SRL: variants seen among roughly 807,000 people sequenced by gnomAD.
SRL encodes the protein sarcalumenin.
SRL carries 23 observed loss-of-function variants against 39.5 expected under a neutral mutation model. That is an observed-to-expected ratio of 0.58 (90% CI 0.42 to 0.82). The LOEUF (loss-of-function observed/expected upper bound fraction) is 0.82. Ranked by LOEUF, SRL falls within the 40% of genes least tolerant of loss-of-function variation. The pLI is 0.00. For missense variants in SRL, 592 were observed against 607.8 expected, an observed-to-expected ratio of 0.97 and a Z score of 0.27; for synonymous variants, 272 against 237.4, an observed-to-expected ratio of 1.15 and a Z score of -1.34.
chr16:4,230,661 T>C (rs918474061), intron 1 of SRL, among the ~76,000 whole-genome samples: 23 of 152,052 alleles, frequency 1.5e-4, no homozygotes, highest in African/African-American at 5.5e-4. Context: ...GTGCTGGGAT[T>C]ACAGGTGTGA....
At chr16:4,199,368 T>TA (rs1200734477) in intron 3 of SRL, among the ~76,000 whole-genome samples, 1 of 95,856 alleles carries the variant, frequency 1.0e-5, no homozygotes, top group Non-Finnish European at 1.8e-5. Context: ...CCCCATCTTT[T>TA]TTTTTTTTTT....
intron 1 of SRL, among the ~76,000 whole-genome samples, chr16:4,237,098 T>C (rs1161038297): frequency 1.3e-5 from 2 of 152,082 alleles, no homozygotes; most frequent in Admixed American, 1.3e-4. Flanking sequence ...CCCGCCATCA[T>C]GCCCAGTTCA....
At chr16:4,223,195 G>C (rs1414786964) in intron 1 of SRL, among the ~76,000 whole-genome samples, 2 of 140,898 alleles carry the variant, frequency 1.4e-5, no homozygotes, top group African/African-American at 5.4e-5. Flanking sequence ...TCATGCCACT[G>C]CACTCCAGCC....
chr16:4,214,795 T>C (rs1316233454), intron 1 of SRL, among the ~76,000 whole-genome samples: 2 of 150,878 alleles, frequency 1.3e-5, no homozygotes, highest in African/African-American at 4.9e-5. Flanking sequence ...TTAGACGAAG[T>C]CTCATTCTGT....
Position 4,191,762 on chromosome 16 carries a change from G to T in SRL, c.*391C>A, listed in dbSNP as rs529590376. 5.6e-6 allele frequency: 1 copy of T among 177,982 alleles called. No homozygotes were observed. Among genetic ancestry groups the T allele is most frequent in the African/African-American group, 2.4e-5 (1 of 42,198 alleles). 11.0% of individuals were successfully genotyped at this position (177,982 alleles called of 1,614,324 possible). A position where few individuals can be genotyped will look rare whatever the true frequency, so the allele number is the denominator to read the frequency against. On this transcript the variant is annotated 3_prime_UTR_variant, in exon 6 of 6. Coordinates refer to ENST00000399609, the MANE Select transcript of SRL (RefSeq NM_001098814.2). ...CCAAAATGGACCTGACAATCTCTACGACTCAGGCCTTCGCTGTTTTCCCAG... is the reference window on the plus strand; with the variant it reads ...CCAAAATGGACCTGACAATCTCTACTACTCAGGCCTTCGCTGTTTTCCCAG...
intron 2 of SRL, 51 bp from the exon 3 acceptor site, chr16:4,203,312 C>T (rs1300992120): frequency 6.6e-7 from 1 of 1,520,888 alleles, no homozygotes; most frequent in Non-Finnish European, 9.1e-7. Context: ...GCGATCCAGG[C>T]AGCTCCTCCA....
In SRL at chr16:4,199,396, G is replaced by A. The variant is rs1198179894; in HGVS notation, c.260-1481C>T. On this transcript the variant is annotated intron_variant, in intron 3 of 5. Coordinates refer to ENST00000399609, the MANE Select transcript of SRL (RefSeq NM_001098814.2). ...TTTTTTTTTTTTTTTTTTTGAGACA[G>A]TGTCTCACTCTGTCGCCCAAACCAC... Among the ~76,000 whole-genome samples, 6 of 112,136 alleles carry A rather than the reference G, an allele frequency of 5.4e-5. 1 individual carries two copies. The highest frequency in any genetic ancestry group is 2.2e-4 in the African/African-American group (6 of 27,726). 73.6% of individuals were successfully genotyped at this position (112,136 alleles called of 152,430 possible).
intron 1 of SRL, among the ~76,000 whole-genome samples, chr16:4,218,219 G>A (rs1256459786): frequency 1.3e-5 from 2 of 152,244 alleles, no homozygotes; most frequent in Admixed American, 6.5e-5. Context: ...ACTGAAGTGA[G>A]GTGACCCCGC....
intron 1 of SRL, among the ~76,000 whole-genome samples, chr16:4,211,662 CCG>C (rs1567181580): frequency 6.2e-5 from 9 of 144,712 alleles, no homozygotes; most frequent in African/African-American, 2.3e-4. Flanking sequence ...ATGGTGATGA[CCG>C]TGCCGATGAT....
At chr16:4,240,777 G>GGGTGGCAGC in intron 1 of SRL, among the ~76,000 whole-genome samples, 1 of 152,276 alleles carries the variant, frequency 6.6e-6, no homozygotes, top group East Asian at 1.9e-4. Flanking sequence ...CGAAGGGAGA[G>GGGTGGCAGC]GGTGGCAGCG....
chr16:4,225,232 G>A (rs1478353053), intron 1 of SRL, among the ~76,000 whole-genome samples: 1 of 152,090 alleles, frequency 6.6e-6, no homozygotes, highest in Non-Finnish European at 1.5e-5. Flanking sequence ...TGAATTGTAT[G>A]CTTTAAATGA....
At chr16:4,230,317 G>A (rs575219339) in intron 1 of SRL, among the ~76,000 whole-genome samples, 18 of 152,082 alleles carry the variant, frequency 1.2e-4, no homozygotes, top group Admixed American at 2.0e-4. Flanking sequence ...CCATCCCCTA[G>A]GAGAAAGCCC....
chr16:4,191,945 A>T lies in SRL; in HGVS notation c.*208T>A. 1 of 518,572 alleles carries T rather than the reference A, an allele frequency of 1.9e-6. No individual in the cohort carries two copies. Among genetic ancestry groups the T allele is most frequent in the Non-Finnish European group, 3.3e-6 (1 of 302,836 alleles). 32.1% of individuals were successfully genotyped at this position (518,572 alleles called of 1,614,324 possible). A position where few individuals can be genotyped will look rare whatever the true frequency, so the allele number is the denominator to read the frequency against. On this transcript the variant is annotated 3_prime_UTR_variant, in exon 6 of 6. Coordinates refer to ENST00000399609, the MANE Select transcript of SRL (RefSeq NM_001098814.2). The stretch of plus-strand genomic sequence containing the variant: ...CTCAATCAGGCCTCCTCATTGAAGC[A>T]ACAAGACAAGCACACAGGAATTCAC...
Position 4,190,348 on chromosome 16 carries a change from G to C in SRL, c.*1805C>G. 1 of 398,876 alleles carries C rather than the reference G, an allele frequency of 2.5e-6. No homozygotes were observed. Among genetic ancestry groups the C allele is most frequent in the African/African-American group, 2.1e-5 (1 of 48,750 alleles). 24.7% of individuals were successfully genotyped at this position (398,876 alleles called of 1,614,324 possible). On this transcript the variant is annotated 3_prime_UTR_variant, in exon 6 of 6. Transcript: ENST00000399609. ...GGGTCCAGGATGACTTCCTGGTGCT[G>C]AGCTGGTGCATCCTGACTCCTGCCT...
At chr16:4,198,120 C>G (rs1215439540) in intron 3 of SRL, among the ~76,000 whole-genome samples, 3 of 152,222 alleles carry the variant, frequency 2.0e-5, no homozygotes, top group African/African-American at 7.2e-5. Context: ...ACTTTTGGGC[C>G]TTGCCCAGAT....
At chr16:4,210,554 G>A (rs12709115) in intron 1 of SRL, among the ~76,000 whole-genome samples, 5,987 of 137,758 alleles carry the variant, frequency 0.043, 173 homozygotes, top group South Asian at 0.073. Flanking sequence ...CAGTGAACGC[G>A]ATCTCGGTTC....
chr16:4,219,354 G>T (rs1017631534), intron 1 of SRL, among the ~76,000 whole-genome samples: 1 of 152,236 alleles, frequency 6.6e-6, no homozygotes, highest in African/African-American at 2.4e-5. Context: ...GGGGCCCCTG[G>T]ATTGCTCATC....
At chr16:4,231,277 C>T (rs1182130084) in intron 1 of SRL, among the ~76,000 whole-genome samples, 12 of 152,190 alleles carry the variant, frequency 7.9e-5, no homozygotes, top group African/African-American at 2.9e-4. Flanking sequence ...GATTGCACCA[C>T]TGCACTCCAG....
At chr16:4,195,853 G>T in intron 4 of SRL, 67 bp from the exon 5 acceptor site, 1 of 1,357,214 alleles carries the variant, frequency 7.4e-7, no homozygotes, top group East Asian at 2.5e-5. Flanking sequence ...TGAGAAGCAT[G>T]TGTATATGCC....
Sources: gnomAD v4.1 joint callset for allele counts (sites outside exome capture counted in the v4.1 genomes callset) on GRCh38, gnomAD v4.1.1 for gene constraint, MANE v1.5 for transcripts, NCBI Gene and HGNC (gene_info 2026-07-23, HGNC 2026-07-21) for gene names.